Variants in ATP6V1H observed in about 807,000 individuals in gnomAD.
ATP6V1H encodes V-type proton ATPase subunit H.
Under a neutral mutation model 71.7 loss-of-function variants are expected in ATP6V1H, and 39 were observed. The ratio of observed to expected loss-of-function variants is 0.54; its 90% CI spans 0.42 to 0.71. The LOEUF is 0.71. ATP6V1H is among the 30% of genes least tolerant of loss of function. The probability of loss-of-function intolerance (pLI) is 0.00; values close to 1 mark genes in which losing one functional copy is unlikely to be tolerated. For synonymous variants in ATP6V1H, 192 were observed against 199.3 expected (o/e 0.96, Z 0.31); for missense variants, 509 against 594.9 (o/e 0.86, Z 1.50).
intron 11 of ATP6V1H, among the ~76,000 whole-genome samples, chr8:53,765,011 G>A (rs938997526): frequency 1.3e-5 from 2 of 152,108 alleles, no homozygotes; most frequent in African/African-American, 2.4e-5. Flanking sequence ...AGGCTGAGAT[G>A]GGAGGATCTC....
intron 13 of ATP6V1H, among the ~76,000 whole-genome samples, chr8:53,717,215 CT>C (rs1806454858): frequency 6.6e-6 from 1 of 152,256 alleles, no homozygotes; most frequent in Non-Finnish European, 1.5e-5. Flanking sequence ...TGCTCTCCCC[CT>C]GCTACTGCCG....
intron 2 of ATP6V1H, among the ~76,000 whole-genome samples, chr8:53,836,975 C>T (rs1243430760): frequency 6.6e-6 from 1 of 151,812 alleles, no homozygotes; most frequent in Non-Finnish European, 1.5e-5. Flanking sequence ...ACTCTGTCTC[C>T]ACTAAAAATA....
chr8:53,789,067 A>G (rs1809479499), intron 9 of ATP6V1H, among the ~76,000 whole-genome samples: 1 of 152,262 alleles, frequency 6.6e-6, no homozygotes, highest in African/African-American at 2.4e-5. Flanking sequence ...TTTGGTCTTC[A>G]ATAAACATCT....
intron 13 of ATP6V1H, among the ~76,000 whole-genome samples, chr8:53,719,358 A>G (rs1193715656): frequency 6.6e-6 from 1 of 151,986 alleles, no homozygotes; most frequent in Non-Finnish European, 1.5e-5. Flanking sequence ...TTCAGTAGAG[A>G]TGGGGTTCTG....
intron 13 of ATP6V1H, among the ~76,000 whole-genome samples, chr8:53,743,101 A>T (rs1807473002): frequency 6.6e-6 from 1 of 152,266 alleles, no homozygotes; most frequent in African/African-American, 2.4e-5. Flanking sequence ...ATAAAGAAGC[A>T]TAACTTTAGT....
At chr8:53,764,352 C>T (rs751692748) in intron 11 of ATP6V1H, among the ~76,000 whole-genome samples, 23 of 152,032 alleles carry the variant, frequency 1.5e-4, no homozygotes, top group South Asian at 1.0e-3. Flanking sequence ...GGATTGAGTC[C>T]GGGTATGCAA....
intron 8 of ATP6V1H, among the ~76,000 whole-genome samples, chr8:53,801,442 G>A (rs1184004567): frequency 1.3e-5 from 2 of 152,070 alleles, no homozygotes; most frequent in African/African-American, 4.8e-5. Flanking sequence ...TAAATTATAT[G>A]GCATTAGAAA....
At position 53,733,894 on chromosome 8, in the gene ATP6V1H, G is replaced by C. The variant is rs927589649; in HGVS notation, c.1391+9683C>G. Among the ~76,000 whole-genome samples the C allele has an allele frequency of 2.6e-5, 4 of 152,272 alleles. No individual in the cohort carries two copies. In the South Asian group the frequency reaches 6.2e-4, roughly 24 times the overall value. On this transcript the variant is annotated intron_variant, in intron 13 of 13. Transcript: ENST00000359530. ...CCATTTACACTATATGCATCAGAGA[G>C]AGAAAAAATGGCAGTTGAGGTTTTG...
rs139311878 is a variant in ATP6V1H at position 53,789,151 on chromosome 8, A to G, written c.870+6496T>C. Among the ~76,000 whole-genome samples, 622 of 152,364 alleles carry G rather than the reference A, an allele frequency of 4.1e-3. 5 individuals carry two copies. The highest frequency in any genetic ancestry group is 0.014 in the African/African-American group (602 of 41,584). ...GGAGAAGGAAGAACTTAAAGGCAGGATTCAATTAATATCAACTAATATCTC... is the reference window on the plus strand; with the variant it reads ...GGAGAAGGAAGAACTTAAAGGCAGGGTTCAATTAATATCAACTAATATCTC... On this transcript the variant is annotated intron_variant, in intron 9 of 13. Transcript: ENST00000359530.
At chr8:53,753,451 G>A (rs1807873505) in intron 12 of ATP6V1H, among the ~76,000 whole-genome samples, 1 of 152,216 alleles carries the variant, frequency 6.6e-6, no homozygotes, top group Admixed American at 6.5e-5. Flanking sequence ...GGGCAGTAGA[G>A]CAGAATTACG....
At chr8:53,783,593 G>A (rs575223621) in intron 9 of ATP6V1H, among the ~76,000 whole-genome samples, 2 of 152,182 alleles carry the variant, frequency 1.3e-5, no homozygotes, top group African/African-American at 2.4e-5. Context: ...GCTTTTCAAC[G>A]TGTTTGCTCT....
intron 4 of ATP6V1H, among the ~76,000 whole-genome samples, chr8:53,828,764 G>A (rs1810903000): frequency 6.6e-6 from 1 of 151,960 alleles, no homozygotes; most frequent in Admixed American, 6.6e-5. Context: ...TTCCTTATAA[G>A]TTAATAGAAC....
chr8:53,813,114 TCA>T (rs1390374580), intron 6 of ATP6V1H, among the ~76,000 whole-genome samples: 1 of 152,234 alleles, frequency 6.6e-6, no homozygotes. Context: ...ATTTTAAATC[TCA>T]CTTTCACAAG....
chr8:53,808,043 C>G (rs1810147111), intron 7 of ATP6V1H, among the ~76,000 whole-genome samples: 1 of 152,192 alleles, frequency 6.6e-6, no homozygotes, highest in African/African-American at 2.4e-5. Context: ...ACTTAAGTCA[C>G]TACTAGTGAC....
intron 7 of ATP6V1H, among the ~76,000 whole-genome samples, chr8:53,808,401 AT>A (rs1810160941): frequency 6.6e-6 from 1 of 152,240 alleles, no homozygotes; most frequent in South Asian, 2.1e-4. Flanking sequence ...ATATAATCTG[AT>A]GTCTATTTTC....
chr8:53,775,155 G>A (rs551651474), intron 9 of ATP6V1H, among the ~76,000 whole-genome samples: 43 of 152,004 alleles, frequency 2.8e-4, no homozygotes, highest in East Asian at 7.7e-4. Flanking sequence ...GCAGACCTTC[G>A]CGGTGAGTGT....
rs750845426 is a variant in ATP6V1H, at chr8:53,756,576, C to T, written c.1256G>A (p.Arg419Gln). 6 of 1,613,746 alleles carry T rather than the reference C, an allele frequency of 3.7e-6. No homozygotes were observed. The highest frequency in any genetic ancestry group is 2.5e-6 in the Non-Finnish European group (3 of 1,179,836). Residue 419 changes from arginine to glutamine, a missense_variant, in exon 12 of 14, where the codon CGG (arginine) becomes CAG (glutamine). By Grantham distance (43) the Arg-to-Gln change is conservative (BLOSUM62 1). This residue lies in a region of ATP6V1H where 212 missense variants were observed against 291.6 expected (regional missense o/e 0.73). Coordinates refer to ENST00000359530, the MANE Select transcript of ATP6V1H (RefSeq NM_015941.4). ...TTACCGTTTGCCTCGTGGATAATGC[C>T]GCACATATTCTCCAACATCGTGAGC... ...VAAHDVGEYVRHYPRGKRVIE... is the reference protein window; with the variant it reads ...VAAHDVGEYVQHYPRGKRVIE...
At chr8:53,753,933 G>A (rs1200735041) in intron 12 of ATP6V1H, among the ~76,000 whole-genome samples, 2 of 152,118 alleles carry the variant, frequency 1.3e-5, no homozygotes, top group Non-Finnish European at 2.9e-5. Flanking sequence ...TCCTGGGTCC[G>A]AGACAAAGGA....
chr8:53,811,205 T>C lies in ATP6V1H; in HGVS notation c.538A>G (p.Ser180Gly). 1 of 1,613,318 alleles carries C rather than the reference T, an allele frequency of 6.2e-7. No individual in the cohort carries two copies. The highest frequency in any genetic ancestry group is 8.5e-7 in the Non-Finnish European group (1 of 1,179,392). Residue 180 changes from serine to glycine, a missense_variant, in exon 7 of 14, where the codon AGC becomes GGC. Physicochemically the swap from Ser to Gly is moderately conservative, Grantham distance 56. This residue lies in a region of ATP6V1H where 297 missense variants were observed against 303.3 expected (regional missense o/e 0.98). Transcript: ENST00000359530. ...GTTCCTGTTTCAACAGCAACACCGC[T>C]ACCACGCAGTTTCTATTACGAAATA... Reference protein sequence around the residue: ...TQLSSQKLRGSGVAVETGTVS... With the variant: ...TQLSSQKLRGGGVAVETGTVS...
Sources: allele counts gnomAD v4.1 joint callset (sites outside exome capture counted in the v4.1 genomes callset), GRCh38; gene constraint gnomAD v4.1.1; regional missense constraint gnomAD v4.1.1; transcripts MANE v1.5; gene names NCBI Gene and HGNC (gene_info 2026-07-23, HGNC 2026-07-21).